Variants in ZNF573 observed in about 807,000 individuals in gnomAD.
ZNF573 encodes the protein zinc finger protein 573.
A neutral mutation model predicts 57.4 loss-of-function variants in ZNF573; 41 were observed. The observed-to-expected ratio is 0.71, with a 90% CI of 0.56 to 0.93. The LOEUF (loss-of-function observed/expected upper bound fraction) is 0.93, where lower values mean the gene tolerates loss of function less well. ZNF573 is among the 40% of genes least tolerant of loss of function. The probability of loss-of-function intolerance (pLI) is 0.00; values close to 1 mark genes in which losing one functional copy is unlikely to be tolerated. For missense variants in ZNF573, 730 were observed against 794.8 expected, an observed-to-expected ratio of 0.92 and a Z score of 0.98; for synonymous variants, 249 against 261.0, an observed-to-expected ratio of 0.95 and a Z score of 0.44.
At chr19:37,768,385 T>G (rs2145324089) in intron 4 of ZNF573, among the ~76,000 whole-genome samples, 1 of 152,268 alleles carries the variant, frequency 6.6e-6, no homozygotes, top group Non-Finnish European at 1.5e-5. Flanking sequence ...CTCCTCAAAC[T>G]CACATAGCTC....
rs1568414503 is a variant in ZNF573, at chr19:37,739,760, TC to T, written c.729del (p.Lys244SerfsTer196). The stretch of plus-strand genomic sequence containing the variant: ...CCACACTCCTGACATTCATACGGCT[TC>T]CCACCAGTGTGAATTCTCTCATGTT... ...IVQHERIHTG[G>X]KPYECQECGR... On this transcript the variant is annotated frameshift_variant, in exon 5 of 5. Coordinates refer to ENST00000536220, the MANE Select transcript of ZNF573 (RefSeq NM_001172690.2). LOFTEE classifies it high-confidence loss of function. 6.2e-7 allele frequency: 1 copy of T among 1,614,108 alleles called. No individual in the cohort carries two copies. The highest frequency in any genetic ancestry group is 1.7e-5 in the Admixed American group (1 of 60,004).
rs1167973271 is a variant in ZNF573 at position 37,770,157 on chromosome 19, T to C, written c.203-60A>G. ...TAAAAACAAAAGTAACAGAAACCTT[T>C]GAGCTTTGATTAAATTTACAATGAA... On this transcript the variant is annotated intron_variant, in intron 3 of 4. Transcript: ENST00000536220. The C allele has an allele frequency of 2.0e-5, 26 of 1,307,018 alleles. No individual in the cohort carries two copies. In the East Asian group the frequency reaches 6.3e-4, roughly 32 times the overall value. 81.0% of individuals were successfully genotyped at this position (1,307,018 alleles called of 1,614,324 possible).
rs374172665 is a variant in ZNF573 at position 37,739,873 on chromosome 19, G to A, written c.617C>T (p.Thr206Ile). The change falls in exon 5 of 5, where the codon ACT (threonine) becomes ATT (isoleucine). Residue 206 changes from threonine to isoleucine, a missense_variant. Physicochemically the swap from Thr to Ile is moderately conservative, Grantham distance 89. Coordinates refer to ENST00000536220, the MANE Select transcript of ZNF573 (RefSeq NM_001172690.2). ...GKNFRSGYQL[T>I]VHQRFHTGEK... ...ACCAGTATGAAATCTCTGATGCACA[G>A]TCAGCTGATAACCACTTCTAAAGTT... 3 of 1,613,804 alleles carry A rather than the reference G, an allele frequency of 1.9e-6. No individual in the cohort carries two copies. In the African/African-American group the frequency reaches 4.0e-5, roughly 22 times the overall value.
Position 37,739,059 on chromosome 19 carries a change from C to T in ZNF573, c.1431G>A (p.Lys477=). The change falls in exon 5 of 5, where the codon AAG becomes AAA. Residue 477 remains lysine, a synonymous_variant. Coordinates refer to ENST00000536220, the MANE Select transcript of ZNF573 (RefSeq NM_001172690.2). ...KKLFECQECG[K]AYSTGSNLIQ... Reference sequence around the variant, plus strand: ...TAAGGTTTGAGCCAGTACTATAGGCCTTCCCACATTCCTGACATTCAAAAA... The same window carrying T: ...TAAGGTTTGAGCCAGTACTATAGGCTTTCCCACATTCCTGACATTCAAAAA... 6.2e-7 allele frequency: 1 copy of T among 1,612,968 alleles called. No individual in the cohort carries two copies. The highest frequency in any genetic ancestry group is 8.5e-7 in the Non-Finnish European group (1 of 1,179,688).
At chr19:37,768,438 A>G (rs771341268) in intron 4 of ZNF573, among the ~76,000 whole-genome samples, 13 of 151,948 alleles carry the variant, frequency 8.6e-5, no homozygotes, top group Non-Finnish European at 1.6e-4. Context: ...CTTCCCTCCA[A>G]TGCTTCAGCC....
Position 37,739,314 on chromosome 19 carries a change from C to T in ZNF573, c.1176G>A (p.Gly392=), listed in dbSNP as rs1355258799. Residue 392 remains glycine, a synonymous_variant, in exon 5 of 5, where the codon GGG becomes GGA. Transcript: ENST00000536220. ...GTTTTGAACCAGTAGTATAGGTCTT[C>T]CCACATTGCTTGCATTCAAAAAGTT... ...GEKLFECKQC[G]KTYTTGSKLF... 1 of 1,613,884 alleles carries T rather than the reference C, an allele frequency of 6.2e-7. No homozygotes were observed. Among genetic ancestry groups the T allele is most frequent in the Non-Finnish European group, 8.5e-7 (1 of 1,179,996 alleles).
At chr19:37,742,998 T>C (rs2045340922) in intron 4 of ZNF573, among the ~76,000 whole-genome samples, 2 of 152,074 alleles carry the variant, frequency 1.3e-5, no homozygotes, top group Admixed American at 6.6e-5. Flanking sequence ...CATCAAAAAG[T>C]GGGCAAGGGA....
chr19:37,757,738 C>A (rs1335227391), intron 4 of ZNF573, among the ~76,000 whole-genome samples: 1 of 152,094 alleles, frequency 6.6e-6, no homozygotes, highest in Non-Finnish European at 1.5e-5. Flanking sequence ...AAGACACATG[C>A]ACATGTATGT....
At chr19:37,763,264 ATT>A (rs1460842858) in intron 4 of ZNF573, among the ~76,000 whole-genome samples, 5 of 136,602 alleles carry the variant, frequency 3.7e-5, no homozygotes, top group African/African-American at 1.3e-4. Flanking sequence ...ATATATATAT[ATT>A]ATAAATATAT....
Position 37,739,744 on chromosome 19 carries a change from T to C in ZNF573, c.746A>G (p.Gln249Arg). Reference sequence around the variant, plus strand: ...TTGACTAAAGGCCCTCCCACACTCCTGACATTCATACGGCTTCCCACCAGT... The same window carrying C: ...TTGACTAAAGGCCCTCCCACACTCCCGACATTCATACGGCTTCCCACCAGT... Reference protein sequence around the residue: ...IHTGGKPYECQECGRAFSQGG... With the variant: ...IHTGGKPYECRECGRAFSQGG... Residue 249 changes from glutamine (Q) to arginine (R), a missense_variant, in exon 5 of 5, where the codon CAG (glutamine) becomes CGG (arginine). Gln to Arg is a conservative substitution (Grantham distance 43, BLOSUM62 1). Coordinates refer to ENST00000536220, the MANE Select transcript of ZNF573 (RefSeq NM_001172690.2). The C allele has an allele frequency of 6.2e-7, 1 of 1,614,014 alleles. No individual in the cohort carries two copies. Among genetic ancestry groups the C allele is most frequent in the South Asian group, 1.1e-5 (1 of 91,068 alleles).
chr19:37,753,505 T>C (rs1568418849), intron 4 of ZNF573, among the ~76,000 whole-genome samples: 2 of 152,016 alleles, frequency 1.3e-5, no homozygotes, highest in South Asian at 2.1e-4. Flanking sequence ...ACAGTAGCTA[T>C]AAAAGACAGG....
intron 4 of ZNF573, among the ~76,000 whole-genome samples, chr19:37,744,109 T>C (rs138378616): frequency 1.3e-3 from 204 of 151,924 alleles, no homozygotes; most frequent in East Asian, 0.012. Flanking sequence ...GTATCCTGTT[T>C]TTTTTTTAGA....
intron 2 of ZNF573, among the ~76,000 whole-genome samples, chr19:37,772,054 TCTAAA>T (rs2045663970): frequency 6.6e-6 from 1 of 152,252 alleles, no homozygotes; most frequent in Non-Finnish European, 1.5e-5. Context: ...AACATGAGTT[TCTAAA>T]CTATTTTTCC....
intron 4 of ZNF573, among the ~76,000 whole-genome samples, chr19:37,746,632 T>G (rs904263777): frequency 4.0e-5 from 6 of 151,838 alleles, no homozygotes; most frequent in South Asian, 2.1e-4. Context: ...CAGGCTGGAG[T>G]GCAGTGGTGC....
At chr19:37,773,632 T>C (rs2045679129) in intron 2 of ZNF573, 29 bp downstream of exon 2, 2 of 1,513,334 alleles carry the variant, frequency 1.3e-6, no homozygotes, top group Non-Finnish European at 1.8e-6. Context: ...GATCATGATA[T>C]TGCAAGGAAA....
At chr19:37,758,236 T>A (rs868358106) in intron 4 of ZNF573, among the ~76,000 whole-genome samples, 24,019 of 70,420 alleles carry the variant, frequency 0.34, 7,346 homozygotes, top group Non-Finnish European at 0.44. Flanking sequence ...TATATATATA[T>A]ATATATATAT....
At chr19:37,745,569 T>C (rs924409797) in intron 4 of ZNF573, among the ~76,000 whole-genome samples, 7 of 152,080 alleles carry the variant, frequency 4.6e-5, no homozygotes, top group Non-Finnish European at 8.8e-5. Flanking sequence ...CTAATTTTTG[T>C]ATTTTTAGTA....
intron 4 of ZNF573, among the ~76,000 whole-genome samples, chr19:37,755,974 C>G (rs150579368): frequency 2.6e-5 from 4 of 152,304 alleles, no homozygotes; most frequent in Non-Finnish European, 5.9e-5. Flanking sequence ...GGGCTCAACC[C>G]TGTGCTCTTT....
intron 4 of ZNF573, among the ~76,000 whole-genome samples, chr19:37,760,496 G>A (rs1210109539): frequency 6.6e-6 from 1 of 152,080 alleles, no homozygotes; most frequent in Non-Finnish European, 1.5e-5. Context: ...TGAATAAATA[G>A]AGGAAAAAGG....
Sources: gnomAD v4.1 joint callset for allele counts (sites outside exome capture counted in the v4.1 genomes callset) on GRCh38, gnomAD v4.1.1 for gene constraint, MANE v1.5 for transcripts, NCBI Gene and HGNC (gene_info 2026-07-23, HGNC 2026-07-21) for gene names.